Variants in ANKIB1 observed in about 807,000 individuals in gnomAD.
ANKIB1 encodes the protein ankyrin repeat and IBR domain-containing protein 1.
ANKIB1 carries 43 observed loss-of-function variants against 122.1 expected under a neutral mutation model. The ratio of observed to expected loss-of-function variants is 0.35; its 90% CI spans 0.28 to 0.45. The LOEUF is 0.45. ANKIB1 is among the 20% of genes least tolerant of loss of function. ANKIB1 has a pLI of 1.00. For missense variants in ANKIB1, 992 were observed against 1,329.5 expected, an observed-to-expected ratio of 0.75 and a Z score of 3.95; for synonymous variants, 390 against 442.0, an observed-to-expected ratio of 0.88 and a Z score of 1.48.
intron 11 of ANKIB1, among the ~76,000 whole-genome samples, chr7:92,372,311 A>C (rs1417684191): frequency 1.3e-5 from 2 of 152,172 alleles, no homozygotes; most frequent in Non-Finnish European, 2.9e-5. Flanking sequence ...TAGCATGTAC[A>C]TTGTAAGATA....
intron 11 of ANKIB1, among the ~76,000 whole-genome samples, chr7:92,380,310 A>G (rs1034243782): frequency 6.6e-6 from 1 of 152,210 alleles, no homozygotes; most frequent in African/African-American, 2.4e-5. Flanking sequence ...GGCAGGGCAT[A>G]GCTGAACAAA....
At chr7:92,387,705 A>G (rs1018256907) in intron 12 of ANKIB1, 93 bp from the exon 13 acceptor site, 1 of 831,570 alleles carries the variant, frequency 1.2e-6, no homozygotes, top group East Asian at 2.6e-5. Flanking sequence ...ACTACTACCT[A>G]TCACTAATAA....
At chr7:92,286,515 TG>T (rs1316835862) in intron 1 of ANKIB1, among the ~76,000 whole-genome samples, 2 of 151,748 alleles carry the variant, frequency 1.3e-5, no homozygotes, top group African/African-American at 4.8e-5. Context: ...GTTTCGCTTT[TG>T]TTGCCCAGGC....
chr7:92,254,070 C>T (rs1489888758), intron 1 of ANKIB1, among the ~76,000 whole-genome samples: 1 of 152,132 alleles, frequency 6.6e-6, no homozygotes, highest in Non-Finnish European at 1.5e-5. Flanking sequence ...ATGTGTCTTG[C>T]AGGAGAACCA....
chr7:92,249,515 T>C (rs2131868972), intron 1 of ANKIB1, among the ~76,000 whole-genome samples: 1 of 152,042 alleles, frequency 6.6e-6, no homozygotes, highest in East Asian at 1.9e-4. Flanking sequence ...GGTCAAGAGA[T>C]CAAGACCAGC....
At chr7:92,350,089 T>C (rs1803626467) in intron 7 of ANKIB1, among the ~76,000 whole-genome samples, 1 of 152,002 alleles carries the variant, frequency 6.6e-6, no homozygotes, top group South Asian at 2.1e-4. Flanking sequence ...TGATACTTTT[T>C]TACAGGGCAT....
chr7:92,361,268 T>C (rs1803939812), intron 9 of ANKIB1, among the ~76,000 whole-genome samples: 1 of 152,214 alleles, frequency 6.6e-6, no homozygotes, highest in African/African-American at 2.4e-5. Context: ...GAGTTACAAA[T>C]GGTAAATTGA....
chr7:92,343,146 T>C lies in ANKIB1; in HGVS notation c.910T>C (p.Ser304Pro). The change falls in exon 6 of 20, where the codon TCT becomes CCT. Residue 304 changes from serine to proline, a missense_variant. Ser to Pro is a moderately conservative substitution (Grantham distance 74). This residue lies in a region of ANKIB1 where 521 missense variants were observed against 777.7 expected (regional missense o/e 0.67). Transcript: ENST00000265742. The part of the protein sequence containing the change: ...SGYNAWDTLP[S>P]PRTPRTTRSS... ...GTATAATGCCTGGGACACGCTCCCA[T>C]CTCCAAGAACTCCAAGGACTACACG... 3 of 1,613,876 alleles carry C rather than the reference T, an allele frequency of 1.9e-6. No homozygotes were observed. The highest frequency in any genetic ancestry group is 1.1e-5 in the South Asian group (1 of 91,080).
chr7:92,391,802 C>T (rs1488419256), intron 16 of ANKIB1, among the ~76,000 whole-genome samples: 45 of 152,160 alleles, frequency 3.0e-4, no homozygotes, highest in Non-Finnish European at 5.2e-4. Context: ...TAAACCCATC[C>T]ACTAAAGATC....
rs1800967475 is a variant in ANKIB1, at chr7:92,246,162, C to CA, written c.-447dup. ...GGGCTGCGAGCGCGCAAGGCTGGAA[C>CA]ATGAGCCGGGCTTGACCGCGAGGCG... is the stretch of plus-strand genomic sequence containing the variant. On this transcript the variant is annotated 5_prime_UTR_variant, in exon 1 of 20. It adds an upstream start codon to the 5' untranslated region. Coordinates refer to ENST00000265742, the MANE Select transcript of ANKIB1 (RefSeq NM_019004.2). The CA allele has an allele frequency of 3.0e-6, 1 of 331,312 alleles. No homozygotes were observed. Among genetic ancestry groups the CA allele is most frequent in the Admixed American group, 5.5e-5 (1 of 18,282 alleles). The allele number at this position is 331,312 out of a possible 1,614,324, so 20.5% of individuals were successfully genotyped here.
chr7:92,388,996 C>G (rs975311616), intron 14 of ANKIB1, among the ~76,000 whole-genome samples: 1 of 152,154 alleles, frequency 6.6e-6, no homozygotes, highest in Non-Finnish European at 1.5e-5. Context: ...AGCTCTTCAG[C>G]AGGGATTTTT....
chr7:92,327,920 A>G lies in ANKIB1; in HGVS notation c.787+20A>G. The stretch of plus-strand genomic sequence containing the variant: ...CTCATGGTAATGAAAGAAATGTCTT[A>G]TGCTTCTAAGAACATGAGTAACTTT... On this transcript the variant is annotated intron_variant, in intron 5 of 19. Coordinates refer to ENST00000265742, the MANE Select transcript of ANKIB1 (RefSeq NM_019004.2). The G allele has an allele frequency of 2.0e-6, 3 of 1,495,050 alleles. No individual in the cohort carries two copies. Among genetic ancestry groups the G allele is most frequent in the Non-Finnish European group, 2.7e-6 (3 of 1,099,340 alleles). The allele number at this position is 1,495,050 out of a possible 1,614,324, so 92.6% of individuals were successfully genotyped here. A position where few individuals can be genotyped will look rare whatever the true frequency, so the allele number is the denominator to read the frequency against.
At chr7:92,298,844 C>G (rs1036278730) in intron 2 of ANKIB1, among the ~76,000 whole-genome samples, 1 of 149,190 alleles carries the variant, frequency 6.7e-6, no homozygotes, top group South Asian at 2.2e-4. Flanking sequence ...TTTAATTAAT[C>G]TCCACCCTTA....
rs1404286714 is a variant in ANKIB1 at position 92,400,414 on chromosome 7, A to G, written c.*1465A>G. 1.3e-5 allele frequency: 2 copies of G among 152,232 alleles called. No individual in the cohort carries two copies. Among genetic ancestry groups the G allele is most frequent in the African/African-American group, 4.8e-5 (2 of 41,464 alleles). The allele number at this position is 152,232 out of a possible 1,614,324, so 9.4% of individuals were successfully genotyped here. ...TAAATATTATCAAAACTAGCATAAC[A>G]TAAGCAAAATAGATAAGTACAACAC... On this transcript the variant is annotated 3_prime_UTR_variant, in exon 20 of 20. Transcript: ENST00000265742.
chr7:92,325,218 T>C (rs1407499957), intron 4 of ANKIB1, among the ~76,000 whole-genome samples: 1 of 152,188 alleles, frequency 6.6e-6, no homozygotes, highest in Admixed American at 6.5e-5. Flanking sequence ...GAATCATCCT[T>C]CCCTTCCCCA....
At chr7:92,397,460 A>G (rs1804923588) in intron 18 of ANKIB1, among the ~76,000 whole-genome samples, 1 of 151,646 alleles carries the variant, frequency 6.6e-6, no homozygotes, top group South Asian at 2.1e-4. Context: ...CACTCCAGCT[A>G]GGTCGACAAA....
intron 11 of ANKIB1, among the ~76,000 whole-genome samples, chr7:92,379,824 G>A (rs1466433991): frequency 6.6e-6 from 1 of 152,178 alleles, no homozygotes; most frequent in African/African-American, 2.4e-5. Context: ...TAGCTCCAAT[G>A]ATCGACACAG....
At chr7:92,325,187 T>A (rs532105364) in intron 4 of ANKIB1, among the ~76,000 whole-genome samples, 2 of 152,330 alleles carry the variant, frequency 1.3e-5, no homozygotes, top group East Asian at 3.9e-4. Context: ...GGCAATATGC[T>A]GCTATGAAAG....
At chr7:92,334,442 G>A (rs1377952601) in intron 5 of ANKIB1, among the ~76,000 whole-genome samples, 1 of 152,024 alleles carries the variant, frequency 6.6e-6, no homozygotes, top group African/African-American at 2.4e-5. Context: ...CATTCCAGAT[G>A]TAGTATACTA....
Sources: allele counts gnomAD v4.1 joint callset (sites outside exome capture counted in the v4.1 genomes callset), GRCh38; gene constraint gnomAD v4.1.1; regional missense constraint gnomAD v4.1.1; transcripts MANE v1.5; gene names NCBI Gene and HGNC (gene_info 2026-07-23, HGNC 2026-07-21).